ZMYND8: variants seen among roughly 807,000 people sequenced by gnomAD.
The protein encoded by ZMYND8 is zinc finger MYND-type containing 8.
In ZMYND8, 37 loss-of-function variants were observed where a neutral mutation model predicts 140.8. The ratio of observed to expected loss-of-function variants is 0.26; its 90% CI spans 0.20 to 0.35. The LOEUF (loss-of-function observed/expected upper bound fraction) is 0.35. ZMYND8 is among the 10% of genes least tolerant of loss of function. ZMYND8 has a pLI of 1.00. For missense variants in ZMYND8, 1,068 were observed against 1,570.0 expected (o/e 0.68, Z 5.40); for synonymous variants, 592 against 597.1 (o/e 0.99, Z 0.12).
intron 18 of ZMYND8, 48 bp from the exon 19 acceptor site, chr20:47,224,604 G>A (rs758958361): frequency 6.2e-7 from 1 of 1,604,012 alleles, no homozygotes; most frequent in Non-Finnish European, 8.5e-7. Flanking sequence ...CCCCAGCCTG[G>A]GGTGTGGGGT....
chr20:47,304,357 C>T lies in ZMYND8; in HGVS notation c.235-5410G>A, dbSNP rs192556657. ...AGGATAGTAAATACTTGAGGCTTTG[C>T]AGGCCATAAGGCCTCTATCGCAAAT... On this transcript the variant is annotated intron_variant, in intron 3 of 22. Coordinates refer to ENST00000471951, the MANE Select transcript of ZMYND8 (RefSeq NM_001281775.3). Among the ~76,000 whole-genome samples the T allele has an allele frequency of 5.3e-3, 810 of 152,332 alleles. 8 individuals carry two copies. The highest frequency in any genetic ancestry group is 0.018 in the African/African-American group (766 of 41,556).
chr20:47,307,728 G>C (rs1157063845), intron 3 of ZMYND8, among the ~76,000 whole-genome samples: 3 of 152,132 alleles, frequency 2.0e-5, no homozygotes, highest in Non-Finnish European at 4.4e-5. Flanking sequence ...CGTGGAGGCT[G>C]AGACACAAGA....
chr20:47,242,064 G>T (rs141678645), intron 14 of ZMYND8, among the ~76,000 whole-genome samples: 36 of 152,064 alleles, frequency 2.4e-4, no homozygotes, highest in Admixed American at 4.6e-4. Flanking sequence ...TGATCCACCC[G>T]CCTCGGCCTC....
chr20:47,309,017 G>A (rs112755230), intron 3 of ZMYND8, among the ~76,000 whole-genome samples: 4 of 152,264 alleles, frequency 2.6e-5, no homozygotes, highest in South Asian at 2.1e-4. Context: ...TATGAGATCC[G>A]ACCTCATAGT....
chr20:47,302,557 T>C (rs1478588777), intron 3 of ZMYND8, among the ~76,000 whole-genome samples: 2 of 152,110 alleles, frequency 1.3e-5, no homozygotes, highest in East Asian at 3.9e-4. Flanking sequence ...AAAAAACACT[T>C]CTGGTCCCAA....
At chr20:47,299,574 TTTTC>T (rs1279552224) in intron 3 of ZMYND8, among the ~76,000 whole-genome samples, 1 of 151,986 alleles carries the variant, frequency 6.6e-6, no homozygotes, top group Non-Finnish European at 1.5e-5. Context: ...CTAATTTTTT[TTTTC>T]TTTTTCTTTT....
At chr20:47,212,333 C>T (rs895324848) in intron 22 of ZMYND8, among the ~76,000 whole-genome samples, 6 of 152,170 alleles carry the variant, frequency 3.9e-5, no homozygotes, top group Non-Finnish European at 5.9e-5. Context: ...GGAGAGGACA[C>T]GGGACACTGG....
chr20:47,322,986 C>A (rs983493354), intron 2 of ZMYND8, among the ~76,000 whole-genome samples: 1 of 152,154 alleles, frequency 6.6e-6, no homozygotes, highest in African/African-American at 2.4e-5. Flanking sequence ...GGTCTGAATC[C>A]AGGTGCTGGC....
chr20:47,292,775 G>A (rs991628836), intron 5 of ZMYND8, among the ~76,000 whole-genome samples: 6 of 152,100 alleles, frequency 3.9e-5, no homozygotes, highest in Non-Finnish European at 8.8e-5. Flanking sequence ...GTAGGGGCCA[G>A]GCGCCGTGAC....
chr20:47,256,147 A>C (rs1030420692), intron 12 of ZMYND8, among the ~76,000 whole-genome samples: 2 of 151,876 alleles, frequency 1.3e-5, no homozygotes, highest in Non-Finnish European at 2.9e-5. Context: ...GGAACTACAA[A>C]ATGTCAGTTC....
chr20:47,315,936 C>T (rs1229079710), intron 2 of ZMYND8, among the ~76,000 whole-genome samples: 4 of 152,186 alleles, frequency 2.6e-5, no homozygotes, highest in African/African-American at 4.8e-5. Context: ...AGCAGTGACT[C>T]AGGAAAACAG....
At chr20:47,293,720 G>A (rs1320062447) in intron 5 of ZMYND8, among the ~76,000 whole-genome samples, 1 of 152,210 alleles carries the variant, frequency 6.6e-6, no homozygotes, top group African/African-American at 2.4e-5. Flanking sequence ...CAACCAGTCA[G>A]AATTTTCAAT....
At chr20:47,248,879 G>T (rs781070972) in intron 13 of ZMYND8, among the ~76,000 whole-genome samples, 1 of 152,228 alleles carries the variant, frequency 6.6e-6, no homozygotes, top group African/African-American at 2.4e-5. Context: ...AGCAGGGTTT[G>T]CCCGGTGGGG....
chr20:47,286,461 G>A (rs1457288591), intron 8 of ZMYND8, among the ~76,000 whole-genome samples: 1 of 152,124 alleles, frequency 6.6e-6, no homozygotes, highest in East Asian at 1.9e-4. Flanking sequence ...TTACAGGTGT[G>A]AGCCACTGCA....
intron 12 of ZMYND8, among the ~76,000 whole-genome samples, chr20:47,251,014 C>G (rs922690938): frequency 6.8e-6 from 1 of 147,160 alleles, no homozygotes; most frequent in Non-Finnish European, 1.5e-5. Context: ...GGAGACAGAG[C>G]AAGACTTTTT....
At chr20:47,348,326 T>C (rs2082498143) in intron 1 of ZMYND8, 1 of 240,856 alleles carries the variant, frequency 4.2e-6, no homozygotes, top group South Asian at 4.9e-5. Flanking sequence ...AGAATTCTGA[T>C]CGCTGAATAC....
intron 1 of ZMYND8, chr20:47,348,760 C>A (rs529788209): frequency 6.6e-6 from 1 of 152,190 alleles, no homozygotes; most frequent in East Asian, 1.9e-4. Context: ...TGAAAGAGAG[C>A]CGGCCATATC....
intron 18 of ZMYND8, 88 bp downstream of exon 18, chr20:47,227,115 T>C: frequency 7.5e-7 from 1 of 1,342,274 alleles, no homozygotes; most frequent in South Asian, 1.2e-5. Flanking sequence ...TAGCTTTAAT[T>C]GCACTCACAT....
intron 12 of ZMYND8, among the ~76,000 whole-genome samples, chr20:47,251,029 T>C (rs2074126876): frequency 1.4e-5 from 2 of 140,868 alleles, no homozygotes; most frequent in Admixed American, 1.4e-4. Flanking sequence ...CTTTTTTTTT[T>C]TGAAGGAAAA....
Sources: gnomAD v4.1 joint callset for allele counts (sites outside exome capture counted in the v4.1 genomes callset) on GRCh38, gnomAD v4.1.1 for gene constraint, MANE v1.5 for transcripts, NCBI Gene and HGNC (gene_info 2026-07-23, HGNC 2026-07-21) for gene names.